Variants in MLIP observed in about 807,000 individuals in gnomAD.
MLIP encodes muscular LMNA-interacting protein.
Under a neutral mutation model 84.8 loss-of-function variants are expected in MLIP, and 79 were observed. The observed-to-expected ratio is 0.93, with a 90% CI of 0.78 to 1.12. The LOEUF is 1.12. MLIP is among the 50% of genes most tolerant of loss of function. MLIP has a pLI of 0.00. For missense variants in MLIP, 1,257 were observed against 1,160.6 expected, an observed-to-expected ratio of 1.08 and a Z score of -1.21; for synonymous variants, 504 against 463.0, an observed-to-expected ratio of 1.09 and a Z score of -1.14.
chr6:54,145,616 A>AT (rs879845498), intron 4 of MLIP, among the ~76,000 whole-genome samples: 3 of 149,816 alleles, frequency 2.0e-5, no homozygotes, highest in Non-Finnish European at 4.4e-5. Flanking sequence ...TACAAAAAAA[A>AT]TAAAAAAAAA....
At chr6:54,211,152 A>T (rs1264208204) in intron 11 of MLIP, among the ~76,000 whole-genome samples, 1 of 152,176 alleles carries the variant, frequency 6.6e-6, no homozygotes, top group African/African-American at 2.4e-5. Flanking sequence ...AGGCAGGAGA[A>T]TCGCTTGAGG....
intron 3 of MLIP, among the ~76,000 whole-genome samples, chr6:54,133,884 A>AG (rs954721385): frequency 2.6e-5 from 4 of 152,100 alleles, no homozygotes; most frequent in Admixed American, 6.6e-5. Context: ...GTGTATGGCA[A>AG]GGGGGGCTCA....
chr6:54,209,666 G>C (rs1174517888), intron 11 of MLIP, among the ~76,000 whole-genome samples: 2 of 149,396 alleles, frequency 1.3e-5, no homozygotes, highest in African/African-American at 4.9e-5. Flanking sequence ...TTTGTAGGAA[G>C]GGCAGCATGT....
At chr6:54,259,935 T>A (rs1783273489) in intron 13 of MLIP, among the ~76,000 whole-genome samples, 1 of 151,816 alleles carries the variant, frequency 6.6e-6, no homozygotes, top group South Asian at 2.1e-4. Flanking sequence ...CCAAGAAACA[T>A]CAGTTTTATA....
intron 10 of MLIP, among the ~76,000 whole-genome samples, chr6:54,190,335 A>G (rs1777791322): frequency 6.6e-6 from 1 of 152,250 alleles, no homozygotes; most frequent in South Asian, 2.1e-4. Flanking sequence ...CAAATGGTCT[A>G]GATCAGTGCT....
chr6:54,258,684 T>C (rs1313781617), intron 13 of MLIP, among the ~76,000 whole-genome samples: 4 of 152,074 alleles, frequency 2.6e-5, no homozygotes, highest in African/African-American at 4.8e-5. Context: ...TACTATACAT[T>C]AGAAACAGTG....
chr6:54,139,226 A>C (rs555747031), intron 4 of MLIP, among the ~76,000 whole-genome samples: 1 of 152,314 alleles, frequency 6.6e-6, no homozygotes, highest in East Asian at 1.9e-4. Context: ...CACAATTTGG[A>C]GAGGCTATAT....
chr6:54,189,510 G>T (rs761893212), intron 9 of MLIP, among the ~76,000 whole-genome samples: 25 of 151,974 alleles, frequency 1.6e-4, no homozygotes, highest in Non-Finnish European at 2.5e-4. Flanking sequence ...CAACGATGCT[G>T]GTATGTTTGA....
At chr6:54,229,225 C>T (rs555768976) in intron 11 of MLIP, among the ~76,000 whole-genome samples, 2 of 152,088 alleles carry the variant, frequency 1.3e-5, no homozygotes, top group Admixed American at 6.5e-5. Flanking sequence ...AATTCAGTAA[C>T]GTGTCTTGGT....
intron 9 of MLIP, among the ~76,000 whole-genome samples, chr6:54,188,907 T>C (rs1777656761): frequency 6.6e-6 from 1 of 152,170 alleles, no homozygotes; most frequent in Non-Finnish European, 1.5e-5. Context: ...AGTTACAACA[T>C]TTATGCCAAC....
chr6:54,200,394 G>T lies in MLIP; in HGVS notation c.2590-1711G>T, dbSNP rs111238602. Among the ~76,000 whole-genome samples, 14 of 152,210 alleles carry T rather than the reference G, an allele frequency of 9.2e-5. No homozygotes were observed. The East Asian group carries it at 1.9e-3, about 21-fold the overall frequency. ...TTGGTTTTACAGCCTTGTAGCCCGA[G>T]TCCTGGAGTTGCATTTATTTTCTGC... On this transcript the variant is annotated intron_variant, in intron 10 of 13. Coordinates refer to ENST00000502396, the MANE Select transcript of MLIP (RefSeq NM_001281747.2).
At chr6:54,118,197 C>A (rs995814574) in intron 1 of MLIP, among the ~76,000 whole-genome samples, 68 of 152,154 alleles carry the variant, frequency 4.5e-4, no homozygotes, top group African/African-American at 1.6e-3. Context: ...TACACAAGAG[C>A]CTGAATAACC....
intron 8 of MLIP, among the ~76,000 whole-genome samples, chr6:54,168,990 G>T (rs919222993): frequency 3.3e-5 from 5 of 151,464 alleles, no homozygotes; most frequent in Non-Finnish European, 7.4e-5. Context: ...GCTGATGAAG[G>T]TCAGTGATTT....
chr6:54,258,239 G>T (rs887149782), intron 13 of MLIP, among the ~76,000 whole-genome samples: 2 of 152,022 alleles, frequency 1.3e-5, no homozygotes, highest in Non-Finnish European at 2.9e-5. Context: ...TAAAAGAGAA[G>T]TAAGAATAAT....
chr6:54,226,751 C>T (rs1028507099), intron 11 of MLIP, among the ~76,000 whole-genome samples: 4 of 151,896 alleles, frequency 2.6e-5, no homozygotes, highest in Non-Finnish European at 5.9e-5. Context: ...TCTATAAAAT[C>T]GGAACAGAAT....
chr6:54,060,879 C>T (rs1765926572), intron 1 of MLIP, among the ~76,000 whole-genome samples: 2 of 151,804 alleles, frequency 1.3e-5, no homozygotes, highest in African/African-American at 4.8e-5. Flanking sequence ...GTTCAATGCA[C>T]AGCCCCCAAC....
At chr6:54,049,850 A>C (rs1765277120) in intron 1 of MLIP, among the ~76,000 whole-genome samples, 1 of 152,210 alleles carries the variant, frequency 6.6e-6, no homozygotes, top group Non-Finnish European at 1.5e-5. Context: ...TATCCAAAGG[A>C]AATTAAAGAG....
chr6:54,226,654 A>G (rs1361171360), intron 11 of MLIP, among the ~76,000 whole-genome samples: 1 of 152,172 alleles, frequency 6.6e-6, no homozygotes, highest in East Asian at 1.9e-4. Flanking sequence ...ACAAACAAAC[A>G]AACAAACAAA....
At chr6:54,209,388 A>G (rs1474442100) in intron 11 of MLIP, among the ~76,000 whole-genome samples, 1 of 152,204 alleles carries the variant, frequency 6.6e-6, no homozygotes, top group Admixed American at 6.5e-5. Context: ...CACTAAAATA[A>G]AACAAAGGAC....
Sources: allele counts gnomAD v4.1 joint callset (sites outside exome capture counted in the v4.1 genomes callset), GRCh38; gene constraint gnomAD v4.1.1; transcripts MANE v1.5; gene names NCBI Gene and HGNC (gene_info 2026-07-23, HGNC 2026-07-21).